Variants in STC1 observed in about 807,000 individuals in gnomAD.
The protein encoded by STC1 is stanniocalcin 1, also known as stanniocalcin-1.
In STC1, 7 loss-of-function variants were observed where a neutral mutation model predicts 22.6. The observed-to-expected ratio is 0.31, with a 90% CI of 0.18 to 0.58. STC1 has a LOEUF of 0.58. Among genes scored for constraint, STC1 ranks in the 20% least tolerant of loss-of-function variants. The pLI is 0.89. For missense variants in STC1, 224 were observed against 311.0 expected, an observed-to-expected ratio of 0.72 and a Z score of 2.10; for synonymous variants, 113 against 120.7, an observed-to-expected ratio of 0.94 and a Z score of 0.42.
At chr8:23,854,279 G>A in intron 1 of STC1, 127 bp downstream of exon 1, 1 of 995,062 alleles carries the variant, frequency 1.0e-6, no homozygotes, top group Non-Finnish European at 1.5e-6. Context: ...TACACTGGCA[G>A]TTTATTGCCA....
In STC1 at chr8:23,854,779, C is replaced by T; in HGVS notation, c.-256G>A. ...GCTGCTGCTGCTGCTGCAGTCGCTG[C>T]TTCTTGCACCTCTGGCTTTTGCAAA... On this transcript the variant is annotated 5_prime_UTR_variant, in exon 1 of 4. Coordinates refer to ENST00000290271, the MANE Select transcript of STC1 (RefSeq NM_003155.3). 1.7e-6 allele frequency: 1 copy of T among 581,790 alleles called. No homozygotes were observed. Among genetic ancestry groups the T allele is most frequent in the South Asian group, 1.6e-5 (1 of 61,810 alleles). 36.0% of individuals were successfully genotyped at this position (581,790 alleles called of 1,614,324 possible).
At chr8:23,845,726 A>G (rs1056717742) in intron 3 of STC1, among the ~76,000 whole-genome samples, 2 of 152,172 alleles carry the variant, frequency 1.3e-5, no homozygotes, top group Non-Finnish European at 2.9e-5. Flanking sequence ...CCTCCTTCAA[A>G]GGTATATTGT....
At chr8:23,849,409 AT>A (rs532208739) in intron 3 of STC1, among the ~76,000 whole-genome samples, 50 of 150,668 alleles carry the variant, frequency 3.3e-4, no homozygotes, top group Middle Eastern at 6.9e-3. Context: ...GGCTGGCCAC[AT>A]TTTTTTTTTC....
At chr8:23,845,463 A>G (rs1477734059) in intron 3 of STC1, among the ~76,000 whole-genome samples, 1 of 152,150 alleles carries the variant, frequency 6.6e-6, no homozygotes, top group Non-Finnish European at 1.5e-5. Flanking sequence ...TCCAATGCTC[A>G]TCACTGAGAT....
At chr8:23,852,592 G>C (rs578094) in intron 1 of STC1, among the ~76,000 whole-genome samples, 49,901 of 152,016 alleles carry the variant, frequency 0.33, 8,201 homozygotes, top group South Asian at 0.39. Context: ...GTACATGATG[G>C]ACAGGGAGGG....
rs1465562402 is a variant in STC1, at chr8:23,848,341, G to A, written c.473+2979C>T. Among the ~76,000 whole-genome samples, 9 of 151,734 alleles carry A rather than the reference G, an allele frequency of 5.9e-5. No homozygotes were observed. In the East Asian group the frequency reaches 1.6e-3, roughly 26 times the overall value. On this transcript the variant is annotated intron_variant, in intron 3 of 3. Coordinates refer to ENST00000290271, the MANE Select transcript of STC1 (RefSeq NM_003155.3). ...GAGGTCAGGAGTTCAAGACCAGCCCGGCCAACATGATGAAACCCTGTCTCT... is the reference window on the plus strand; with the variant it reads ...GAGGTCAGGAGTTCAAGACCAGCCCAGCCAACATGATGAAACCCTGTCTCT...
chr8:23,851,749 A>G (rs1468617769), intron 2 of STC1, among the ~76,000 whole-genome samples: 1 of 151,920 alleles, frequency 6.6e-6, no homozygotes, highest in African/African-American at 2.4e-5. Flanking sequence ...AGCTCTACCG[A>G]AATGAAATTA....
intron 3 of STC1, among the ~76,000 whole-genome samples, chr8:23,851,000 T>C (rs1435455696): frequency 1.3e-5 from 2 of 151,196 alleles, no homozygotes; most frequent in African/African-American, 2.4e-5. Context: ...TAAAAGCTTG[T>C]TTCCAGAAAC....
At chr8:23,852,013 G>T (rs939360798) in intron 2 of STC1, among the ~76,000 whole-genome samples, 9 of 152,098 alleles carry the variant, frequency 5.9e-5, no homozygotes, top group African/African-American at 2.2e-4. Context: ...AGTGAGTGGG[G>T]CGTGTCTTAT....
At chr8:23,854,371 T>C (rs749768106) in intron 1 of STC1, 35 bp downstream of exon 1, 2 of 1,575,722 alleles carry the variant, frequency 1.3e-6, no homozygotes, top group Admixed American at 3.3e-5. Flanking sequence ...GGACAGCTCT[T>C]TGGGGGAGAA....
chr8:23,845,434 C>A (rs1389645431), intron 3 of STC1, among the ~76,000 whole-genome samples: 3 of 151,970 alleles, frequency 2.0e-5, no homozygotes, highest in Admixed American at 2.0e-4. Flanking sequence ...TGAGGTGAAG[C>A]AAATTAGAAT....
At chr8:23,848,835 T>C (rs1043547996) in intron 3 of STC1, among the ~76,000 whole-genome samples, 2 of 152,214 alleles carry the variant, frequency 1.3e-5, no homozygotes, top group African/African-American at 4.8e-5. Flanking sequence ...TTTGTTTCCC[T>C]TGATCAATAT....
Position 23,845,165 on chromosome 8 carries a change from A to T in STC1, c.474-125T>A, listed in dbSNP as rs1802557573. 11 of 1,033,042 alleles carry T rather than the reference A, an allele frequency of 1.1e-5. No homozygotes were observed. In the South Asian group the frequency reaches 1.7e-4, roughly 16 times the overall value. The allele number at this position is 1,033,042 out of a possible 1,614,324, so 64.0% of individuals were successfully genotyped here. A position where few individuals can be genotyped will look rare whatever the true frequency, so the allele number is the denominator to read the frequency against. On this transcript the variant is annotated intron_variant, in intron 3 of 3. Transcript: ENST00000290271. ...CTGACCATGCAAACATCAATAGTTC[A>T]TCAGCTGAAGGTGGCTTTTGCTCTC...
chr8:23,854,001 T>G (rs1022466546), intron 1 of STC1: 4 of 1,020,492 alleles, frequency 3.9e-6, no homozygotes, highest in Non-Finnish European at 4.7e-6. Context: ...GGTAGAGTCT[T>G]AAGAGGAAAG....
chr8:23,854,775 G>A lies in STC1; in HGVS notation c.-252C>T. 8.5e-6 allele frequency: 5 copies of A among 589,782 alleles called. No individual in the cohort carries two copies. The highest frequency in any genetic ancestry group is 6.3e-6 in the Non-Finnish European group (2 of 317,238). 36.5% of individuals were successfully genotyped at this position (589,782 alleles called of 1,614,324 possible). On this transcript the variant is annotated 5_prime_UTR_variant, in exon 1 of 4. Coordinates refer to ENST00000290271, the MANE Select transcript of STC1 (RefSeq NM_003155.3). ...CGCTGCTGCTGCTGCTGCTGCAGTC[G>A]CTGCTTCTTGCACCTCTGGCTTTTG...
intron 3 of STC1, among the ~76,000 whole-genome samples, chr8:23,849,288 A>G (rs1347547): frequency 0.016 from 2,471 of 152,354 alleles, 33 homozygotes; most frequent in Non-Finnish European, 0.025. Context: ...CAATGGAGCA[A>G]AGCAAGCCCA....
rs2117736229 is a variant in STC1 at position 23,844,776 on chromosome 8, A to T, written c.738T>A (p.Ser246Arg). ...GTGAATAACCTCTCCCTGGTTATGC[A>T]CTCTCATGGGATGTGCGTTTGATGT... Reference protein sequence around the residue: ...PSHIKRTSHESA With the variant: ...PSHIKRTSHERA Residue 246 changes from serine (S) to arginine (R), a missense_variant, in exon 4 of 4, where the codon AGT becomes AGA. Coordinates refer to ENST00000290271, the MANE Select transcript of STC1 (RefSeq NM_003155.3). The T allele has an allele frequency of 6.2e-7, 1 of 1,613,464 alleles. No individual in the cohort carries two copies. The highest frequency in any genetic ancestry group is 1.1e-5 in the South Asian group (1 of 91,072).
intron 3 of STC1, among the ~76,000 whole-genome samples, chr8:23,845,372 C>T (rs1802559975): frequency 6.6e-6 from 1 of 152,000 alleles, no homozygotes; most frequent in African/African-American, 2.4e-5. Context: ...ACCACAGAGA[C>T]CATTTGGTGA....
intron 1 of STC1, among the ~76,000 whole-genome samples, chr8:23,852,898 A>G (rs919495017): frequency 6.6e-6 from 1 of 152,068 alleles, no homozygotes; most frequent in Admixed American, 6.5e-5. Context: ...CCACTTGGAG[A>G]CCCTTCTGAT....
Sources: allele counts gnomAD v4.1 joint callset (sites outside exome capture counted in the v4.1 genomes callset), GRCh38; gene constraint gnomAD v4.1.1; transcripts MANE v1.5; gene names NCBI Gene and HGNC (gene_info 2026-07-23, HGNC 2026-07-21).